AKAP10: variants seen among roughly 807,000 people sequenced by gnomAD.
AKAP10 encodes the protein A-kinase anchor protein 10, mitochondrial.
In AKAP10, 24 loss-of-function variants were observed where a neutral mutation model predicts 80.8. The observed-to-expected ratio is 0.30, with a 90% CI of 0.22 to 0.42. The LOEUF is 0.42. AKAP10 is among the 10% of genes least tolerant of loss of function. The probability of loss-of-function intolerance (pLI) is 1.00; values close to 1 mark genes in which losing one functional copy is unlikely to be tolerated. For synonymous variants in AKAP10, 291 were observed against 277.7 expected (o/e 1.05, Z -0.48); for missense variants, 661 against 794.9 (o/e 0.83, Z 2.03).
chr17:19,941,035 T>C (rs368577689), intron 6 of AKAP10, 25 bp from the exon 7 acceptor site: 6 of 1,585,906 alleles, frequency 3.8e-6, no homozygotes, highest in South Asian at 2.3e-5. Context: ...AAGGGAAAAT[T>C]TGAGGGAACG....
intron 4 of AKAP10, among the ~76,000 whole-genome samples, chr17:19,949,328 AT>A (rs2043171547): frequency 6.6e-6 from 1 of 152,148 alleles, no homozygotes; most frequent in Admixed American, 6.5e-5. Flanking sequence ...TTGAAGACAG[AT>A]GAATAGAAAT....
intron 4 of AKAP10, among the ~76,000 whole-genome samples, chr17:19,956,896 C>T (rs373971920): frequency 1.4e-4 from 21 of 151,120 alleles, no homozygotes; most frequent in African/African-American, 4.9e-4. Context: ...CCCAGCTCCT[C>T]GGGAGCCTGG....
intron 5 of AKAP10, among the ~76,000 whole-genome samples, chr17:19,945,200 T>C (rs538468876): frequency 2.6e-5 from 4 of 151,830 alleles, no homozygotes; most frequent in Non-Finnish European, 4.4e-5. Flanking sequence ...GATTACATCA[T>C]CATTAATTTG....
Position 19,939,704 on chromosome 17 carries a change from A to G in AKAP10, c.1322+9T>C, listed in dbSNP as rs1217607322. On this transcript the variant is annotated intron_variant, in intron 8 of 14. Transcript: ENST00000225737. ...GTATCTGCTGAATCCATCTATCAAT[A>G]TAACTCACTTGTCATATAAAATCAT... The G allele has an allele frequency of 5.0e-6, 8 of 1,611,880 alleles. No homozygotes were observed. Among genetic ancestry groups the G allele is most frequent in the East Asian group, 2.2e-5 (1 of 44,848 alleles).
intron 4 of AKAP10, among the ~76,000 whole-genome samples, chr17:19,951,807 T>G (rs1021362942): frequency 4.0e-5 from 6 of 151,828 alleles, no homozygotes; most frequent in Non-Finnish European, 7.4e-5. Context: ...CTTGTTCACA[T>G]GTTTATCTGC....
intron 6 of AKAP10, 117 bp downstream of exon 6, chr17:19,941,709 A>C (rs1302558899): frequency 3.1e-6 from 2 of 640,164 alleles, no homozygotes; most frequent in African/African-American, 1.9e-5. Flanking sequence ...TGATCTTGTA[A>C]ATATCCAAAA....
intron 10 of AKAP10, among the ~76,000 whole-genome samples, chr17:19,930,435 T>A (rs550418257): frequency 3.9e-5 from 6 of 152,084 alleles, no homozygotes; most frequent in African/African-American, 9.6e-5. Context: ...CCAAAAAAGG[T>A]CAAGGAAATG....
rs1172580426 is a variant in AKAP10, at chr17:19,939,857, G to A, written c.1186-8C>T. The A allele has an allele frequency of 1.2e-6, 2 of 1,605,474 alleles. No individual in the cohort carries two copies. The highest frequency in any genetic ancestry group is 1.3e-5 in the African/African-American group (1 of 74,384). ...ATCCTCTTTTTCCATGTACTAGGAAGAAAAAATACACAAGGGAAAATAAGA... is the reference window on the plus strand; with the variant it reads ...ATCCTCTTTTTCCATGTACTAGGAAAAAAAAATACACAAGGGAAAATAAGA... On this transcript the variant is annotated splice_polypyrimidine_tract_variant and splice_region_variant and intron_variant, in intron 7 of 14. Transcript: ENST00000225737.
intron 9 of AKAP10, among the ~76,000 whole-genome samples, chr17:19,934,744 A>G (rs1289659325): frequency 6.6e-6 from 1 of 152,116 alleles, no homozygotes; most frequent in Non-Finnish European, 1.5e-5. Flanking sequence ...CAGGCATGGT[A>G]GCTCATGCCT....
chr17:19,917,261 T>C (rs1057287238), intron 12 of AKAP10, among the ~76,000 whole-genome samples: 1 of 151,052 alleles, frequency 6.6e-6, no homozygotes, highest in Admixed American at 6.6e-5. Flanking sequence ...AGAGACTCCA[T>C]CTCAGGAAAA....
At chr17:19,935,955 G>A (rs2042987419) in intron 9 of AKAP10, 1 of 177,024 alleles carries the variant, frequency 5.6e-6, no homozygotes, top group East Asian at 1.5e-4. Context: ...TTTTTGTTTT[G>A]TTCTTGGTTA....
At chr17:19,976,820 G>C (rs2043574502) in intron 1 of AKAP10, among the ~76,000 whole-genome samples, 1 of 152,186 alleles carries the variant, frequency 6.6e-6, no homozygotes. Context: ...CCCGGCCTCT[G>C]TCTGGTACAT....
At chr17:19,908,331 T>G (rs756962572) in intron 14 of AKAP10, among the ~76,000 whole-genome samples, 1 of 152,204 alleles carries the variant, frequency 6.6e-6, no homozygotes, top group Non-Finnish European at 1.5e-5. Context: ...CTAATTTATC[T>G]TCAGTAGTAA....
chr17:19,960,360 C>A (rs59890010), intron 3 of AKAP10, among the ~76,000 whole-genome samples: 1 of 152,108 alleles, frequency 6.6e-6, no homozygotes, highest in South Asian at 2.1e-4. Flanking sequence ...CCCCTCTCAC[C>A]TCCCTGTCTC....
At chr17:19,910,484 AT>A (rs2042678397) in intron 12 of AKAP10, among the ~76,000 whole-genome samples, 1 of 152,246 alleles carries the variant, frequency 6.6e-6, no homozygotes, top group African/African-American at 2.4e-5. Context: ...ATAACAGAGC[AT>A]TTAACTTGCA....
At position 19,904,752 on chromosome 17, in the gene AKAP10, T is replaced by G. The variant is rs1012904296; in HGVS notation, c.*1475A>C. 1 of 152,066 alleles carries G rather than the reference T, an allele frequency of 6.6e-6. No homozygotes were observed. Among genetic ancestry groups the G allele is most frequent in the Admixed American group, 6.6e-5 (1 of 15,254 alleles). The allele number at this position is 152,066 out of a possible 1,614,324, so 9.4% of individuals were successfully genotyped here. On this transcript the variant is annotated 3_prime_UTR_variant, in exon 15 of 15. Coordinates refer to ENST00000225737, the MANE Select transcript of AKAP10 (RefSeq NM_007202.4). ...CCATAAATGCCCTGAAAGCAGAAAG[T>G]TGACACAATTTTAAATAGAATTCAT...
intron 10 of AKAP10, among the ~76,000 whole-genome samples, chr17:19,928,983 T>G (rs2042904021): frequency 6.6e-6 from 1 of 152,156 alleles, no homozygotes; most frequent in African/African-American, 2.4e-5. Flanking sequence ...TAAAATGTCA[T>G]AAATCCTTGC....
chr17:19,960,679 A>G (rs2043337557), intron 3 of AKAP10, among the ~76,000 whole-genome samples: 1 of 152,160 alleles, frequency 6.6e-6, no homozygotes, highest in South Asian at 2.1e-4. Flanking sequence ...TTTATCTGGG[A>G]TAAATACAGA....
At chr17:19,923,819 C>T (rs1293308075) in intron 11 of AKAP10, among the ~76,000 whole-genome samples, 1 of 152,216 alleles carries the variant, frequency 6.6e-6, no homozygotes, top group Middle Eastern at 3.2e-3. Context: ...AGCCACTGCG[C>T]CTGGCCTACC....
Sources: gnomAD v4.1 joint callset for allele counts (sites outside exome capture counted in the v4.1 genomes callset) on GRCh38, gnomAD v4.1.1 for gene constraint, MANE v1.5 for transcripts, NCBI Gene and HGNC (gene_info 2026-07-23, HGNC 2026-07-21) for gene names.